Variants in GHR observed in about 807,000 individuals in gnomAD.
GHR encodes the protein GH receptor.
A neutral mutation model predicts 67.1 loss-of-function variants in GHR; 35 were observed. The observed-to-expected ratio is 0.52, with a 90% CI of 0.40 to 0.69. The LOEUF is 0.69. Among genes scored for constraint, GHR ranks in the 30% least tolerant of loss-of-function variants. GHR has a pLI of 0.00. For missense variants in GHR, 792 were observed against 764.6 expected (o/e 1.04, Z -0.42); for synonymous variants, 272 against 269.1 (o/e 1.01, Z -0.10).
At chr5:42,613,290 A>C (rs1752976282) in intron 2 of GHR, among the ~76,000 whole-genome samples, 1 of 152,062 alleles carries the variant, frequency 6.6e-6, no homozygotes, top group African/African-American at 2.4e-5. Context: ...TGTTAATTCC[A>C]AGTTATCCTT....
At chr5:42,439,937 AT>A (rs1271049154) in intron 1 of GHR, among the ~76,000 whole-genome samples, 3 of 152,178 alleles carry the variant, frequency 2.0e-5, no homozygotes, top group Non-Finnish European at 4.4e-5. Flanking sequence ...TTCTCAAAAC[AT>A]TTTTTATATT....
intron 2 of GHR, among the ~76,000 whole-genome samples, chr5:42,624,694 C>G (rs780039747): frequency 1.3e-5 from 2 of 152,024 alleles, no homozygotes; most frequent in Non-Finnish European, 2.9e-5. Flanking sequence ...TTTGAACTAT[C>G]AAAACTTTCT....
intron 1 of GHR, among the ~76,000 whole-genome samples, chr5:42,531,504 G>T (rs1395902938): frequency 6.6e-6 from 1 of 151,388 alleles, no homozygotes; most frequent in African/African-American, 2.4e-5. Flanking sequence ...GTGGGTCTCG[G>T]TCTCACTCTA....
intron 2 of GHR, among the ~76,000 whole-genome samples, chr5:42,581,727 C>G (rs1396534945): frequency 6.6e-6 from 1 of 152,228 alleles, no homozygotes; most frequent in Non-Finnish European, 1.5e-5. Flanking sequence ...GGAGGTGCGG[C>G]TGTGGTTGTG....
At chr5:42,564,875 GA>G (rs1749836213) in intron 1 of GHR, among the ~76,000 whole-genome samples, 1 of 152,172 alleles carries the variant, frequency 6.6e-6, no homozygotes, top group South Asian at 2.1e-4. Context: ...CAATTTTATG[GA>G]AATGTTGCAG....
chr5:42,469,024 C>T (rs1016398040), intron 1 of GHR, among the ~76,000 whole-genome samples: 67 of 152,196 alleles, frequency 4.4e-4, no homozygotes, highest in African/African-American at 1.5e-3. Flanking sequence ...TTTTTAAAGT[C>T]TCTAAAATGG....
intron 1 of GHR, among the ~76,000 whole-genome samples, chr5:42,472,241 T>C (rs982870821): frequency 1.3e-5 from 2 of 152,242 alleles, no homozygotes; most frequent in African/African-American, 4.8e-5. Flanking sequence ...TATGCTTTAC[T>C]TCTACTTAGA....
At chr5:42,463,580 A>G (rs1327529226) in intron 1 of GHR, among the ~76,000 whole-genome samples, 1 of 152,236 alleles carries the variant, frequency 6.6e-6, no homozygotes, top group Admixed American at 6.5e-5. Context: ...ATCTTTCTGG[A>G]AATATGAAAT....
intron 3 of GHR, among the ~76,000 whole-genome samples, chr5:42,641,678 C>T (rs1754483608): frequency 6.6e-6 from 1 of 152,142 alleles, no homozygotes; most frequent in Non-Finnish European, 1.5e-5. Context: ...CTGTGAAAGA[C>T]CAGCTGGGGC....
chr5:42,519,637 T>G (rs1230703859), intron 1 of GHR, among the ~76,000 whole-genome samples: 2 of 152,224 alleles, frequency 1.3e-5, no homozygotes, highest in African/African-American at 4.8e-5. Flanking sequence ...TCTGTGGATC[T>G]GATTTCTAAA....
At chr5:42,614,558 C>T (rs1580058382) in intron 2 of GHR, among the ~76,000 whole-genome samples, 1 of 90,522 alleles carries the variant, frequency 1.1e-5, no homozygotes, top group African/African-American at 5.5e-5. Flanking sequence ...CCATAGAGGA[C>T]ATTTTTTTTT....
intron 6 of GHR, among the ~76,000 whole-genome samples, chr5:42,702,550 T>C (rs1002994171): frequency 1.3e-5 from 2 of 152,120 alleles, no homozygotes; most frequent in Non-Finnish European, 2.9e-5. Flanking sequence ...TCCTTGGATA[T>C]ATACTTAGTA....
At chr5:42,706,529 C>T (rs1758183970) in intron 6 of GHR, among the ~76,000 whole-genome samples, 1 of 152,024 alleles carries the variant, frequency 6.6e-6, no homozygotes, top group African/African-American at 2.4e-5. Flanking sequence ...TGGGGTTTTG[C>T]ATTTAAACCT....
intron 1 of GHR, chr5:42,467,585 C>T (rs1744791201): frequency 1.3e-6 from 2 of 1,590,240 alleles, no homozygotes; most frequent in Admixed American, 1.7e-5. Context: ...TTTTGATATA[C>T]AGTCAGATTT....
intron 5 of GHR, among the ~76,000 whole-genome samples, chr5:42,697,772 T>A (rs1041256534): frequency 7.2e-5 from 11 of 152,124 alleles, no homozygotes; most frequent in Non-Finnish European, 1.6e-4. Context: ...AGCGATGTGA[T>A]CTAACGTAAG....
rs879659958 is a variant in GHR at position 42,554,341 on chromosome 5, C to CA, written c.-11-11510dup. 7.0e-3 allele frequency among the ~76,000 whole-genome samples: 970 copies of CA among 137,904 alleles called. 3 individuals are homozygous for CA. The highest frequency in any genetic ancestry group is 0.01 in the African/African-American group (386 of 37,664). 90.5% of individuals were successfully genotyped at this position (137,904 alleles called of 152,430 possible). On this transcript the variant is annotated intron_variant, in intron 1 of 9. Transcript: ENST00000230882. ...AGTAACAGACAGAAGTTCTGTCCTA[C>CA]AAAAAAAAAAAAATTTGATGCTTTA...
At chr5:42,601,192 G>T (rs1752362707) in intron 2 of GHR, among the ~76,000 whole-genome samples, 1 of 152,048 alleles carries the variant, frequency 6.6e-6, no homozygotes, top group African/African-American at 2.4e-5. Context: ...CTCCCAAAGT[G>T]CTGGGATTAC....
At chr5:42,697,157 A>C (rs1204593785) in intron 5 of GHR, among the ~76,000 whole-genome samples, 2 of 152,188 alleles carry the variant, frequency 1.3e-5, no homozygotes, top group Admixed American at 1.3e-4. Flanking sequence ...GATCTTGAGA[A>C]AGTTGTCAAT....
chr5:42,439,199 G>A (rs200706971), intron 1 of GHR, among the ~76,000 whole-genome samples: 2 of 152,094 alleles, frequency 1.3e-5, no homozygotes, highest in East Asian at 3.9e-4. Context: ...TAAAAGGAAG[G>A]ATATTAATAA....
Sources: allele counts gnomAD v4.1 joint callset (sites outside exome capture counted in the v4.1 genomes callset), GRCh38; gene constraint gnomAD v4.1.1; transcripts MANE v1.5; gene names NCBI Gene and HGNC (gene_info 2026-07-23, HGNC 2026-07-21).